Variants in CACNB2 observed in about 807,000 individuals in gnomAD.
CACNB2 encodes the protein voltage-dependent L-type calcium channel subunit beta-2.
In CACNB2, 42 loss-of-function variants were observed where a neutral mutation model predicts 73.3. The observed-to-expected ratio is 0.57, with a 90% confidence interval of 0.45 to 0.74. CACNB2 has a LOEUF of 0.74. Among genes scored for constraint, CACNB2 ranks in the 30% least tolerant of loss-of-function variants. CACNB2 has a pLI of 0.00. For synonymous variants in CACNB2, 348 were observed against 310.3 expected (o/e 1.12, Z -1.28); for missense variants, 940 against 853.0 (o/e 1.10, Z -1.27).
chr10:18,330,881 C>T (rs572566011), intron 2 of CACNB2, among the ~76,000 whole-genome samples: 1 of 151,658 alleles, frequency 6.6e-6, no homozygotes, highest in Admixed American at 6.6e-5. Flanking sequence ...GTTGCCCAGG[C>T]TGGTCTCGAA....
Position 18,538,355 on chromosome 10 carries a change from C to T in CACNB2, c.1478C>T (p.Ser493Phe). 1.2e-6 allele frequency: 2 copies of T among 1,610,098 alleles called. No individual in the cohort carries two copies. The highest frequency in any genetic ancestry group is 1.7e-6 in the Non-Finnish European group (2 of 1,176,166). Reference sequence around the variant, plus strand: ...CTGCCTCTTAGCCCCACCCTAGCCTCTAATTCACAGGTAAGGGGAGTTTTT... The same window carrying T: ...CTGCCTCTTAGCCCCACCCTAGCCTTTAATTCACAGGTAAGGGGAGTTTTT... ...SSLPLSPTLASNSQGSQGDQR... is the reference protein window; with the variant it reads ...SSLPLSPTLAFNSQGSQGDQR... The change falls in exon 13 of 14, where the codon TCT (serine) becomes TTT (phenylalanine). Residue 493 changes from serine to phenylalanine, a missense_variant. Transcript: ENST00000324631.
chr10:18,496,991 A>G (rs1168662008), intron 3 of CACNB2, among the ~76,000 whole-genome samples: 2 of 151,460 alleles, frequency 1.3e-5, no homozygotes, highest in East Asian at 1.9e-4. Flanking sequence ...CGGGCAGATC[A>G]CCCAAGGTCA....
intron 10 of CACNB2, among the ~76,000 whole-genome samples, chr10:18,531,072 G>C (rs2052975707): frequency 6.6e-6 from 1 of 152,110 alleles, no homozygotes. Flanking sequence ...AAATGGCATT[G>C]GAATTACACA....
chr10:18,411,024 T>C (rs1275683666), intron 3 of CACNB2, among the ~76,000 whole-genome samples: 2 of 152,162 alleles, frequency 1.3e-5, no homozygotes, highest in Admixed American at 6.5e-5. Flanking sequence ...CGATACCTTA[T>C]GAAAAACGCA....
intron 3 of CACNB2, among the ~76,000 whole-genome samples, chr10:18,471,237 C>T (rs1357653521): frequency 1.3e-5 from 2 of 151,986 alleles, no homozygotes; most frequent in African/African-American, 4.8e-5. Flanking sequence ...ACCCAGGAGG[C>T]GGAGGTTGCA....
intron 2 of CACNB2, among the ~76,000 whole-genome samples, chr10:18,315,528 A>AAT (rs1306024951): frequency 1.1e-5 from 1 of 90,138 alleles, no homozygotes. Flanking sequence ...AAAAAAAAAA[A>AAT]CTTTTTTTTT....
intron 2 of CACNB2, among the ~76,000 whole-genome samples, chr10:18,380,739 G>A (rs2042982734): frequency 6.6e-6 from 1 of 151,922 alleles, no homozygotes; most frequent in African/African-American, 2.4e-5. Context: ...ATAAGAATGA[G>A]CCACCACGCC....
chr10:18,278,214 C>A (rs896014019), intron 2 of CACNB2, among the ~76,000 whole-genome samples: 11 of 152,216 alleles, frequency 7.2e-5, no homozygotes, highest in African/African-American at 2.6e-4. Flanking sequence ...GCACAGTGTC[C>A]CACACCTGTA....
intron 6 of CACNB2, among the ~76,000 whole-genome samples, chr10:18,509,113 A>G (rs1012367423): frequency 4.6e-5 from 7 of 152,210 alleles, no homozygotes; most frequent in African/African-American, 1.7e-4. Context: ...TAAGCATATT[A>G]GGACTCTGAG....
chr10:18,246,384 C>T (rs1307955359), intron 2 of CACNB2, among the ~76,000 whole-genome samples: 2 of 151,986 alleles, frequency 1.3e-5, no homozygotes, highest in African/African-American at 4.8e-5. Flanking sequence ...GAGGATAAGG[C>T]TCCTAGTTCT....
chr10:18,369,518 A>G (rs572506534), intron 2 of CACNB2, among the ~76,000 whole-genome samples: 1 of 152,280 alleles, frequency 6.6e-6, no homozygotes, highest in African/African-American at 2.4e-5. Context: ...AAGAAACATA[A>G]AAATAGGCTG....
intron 2 of CACNB2, among the ~76,000 whole-genome samples, chr10:18,228,442 A>AAAAAAG (rs1308442909): frequency 2.2e-5 from 3 of 135,526 alleles, no homozygotes; most frequent in Non-Finnish European, 4.8e-5. Flanking sequence ...TCAAAAAAAA[A>AAAAAAG]AAAAAAAGAA....
chr10:18,458,018 C>T (rs1021634243), intron 3 of CACNB2, among the ~76,000 whole-genome samples: 1 of 152,176 alleles, frequency 6.6e-6, no homozygotes. Flanking sequence ...CCTTGGACTA[C>T]AGACACATTT....
chr10:18,272,161 T>C (rs1384516639), intron 2 of CACNB2, among the ~76,000 whole-genome samples: 2 of 152,168 alleles, frequency 1.3e-5, no homozygotes, highest in East Asian at 1.9e-4. Context: ...GCAGATATGA[T>C]ATTATGAAAC....
At chr10:18,245,060 G>C (rs1235202697) in intron 2 of CACNB2, among the ~76,000 whole-genome samples, 1 of 148,282 alleles carries the variant, frequency 6.7e-6, no homozygotes, top group Non-Finnish European at 1.5e-5. Context: ...TTCCCTGAAG[G>C]CTCCAGAAGG....
chr10:18,221,582 G>A (rs1721594091), intron 2 of CACNB2, among the ~76,000 whole-genome samples: 1 of 152,156 alleles, frequency 6.6e-6, no homozygotes, highest in African/African-American at 2.4e-5. Context: ...GGGAGGCTGG[G>A]GTGGGAGGAC....
chr10:18,310,522 T>G (rs1370997080), intron 2 of CACNB2, among the ~76,000 whole-genome samples: 1 of 139,250 alleles, frequency 7.2e-6, no homozygotes, highest in Non-Finnish European at 1.5e-5. Flanking sequence ...GGAGAATCAG[T>G]TGAACCCAGG....
intron 2 of CACNB2, among the ~76,000 whole-genome samples, chr10:18,212,590 TA>T (rs1471575830): frequency 8.5e-5 from 13 of 152,220 alleles, no homozygotes; most frequent in African/African-American, 1.9e-4. Context: ...TTACTGCTAA[TA>T]TTTTTTTAAA....
At chr10:18,224,609 G>T (rs2035917958) in intron 2 of CACNB2, among the ~76,000 whole-genome samples, 2 of 152,142 alleles carry the variant, frequency 1.3e-5, no homozygotes, top group Admixed American at 6.5e-5. Flanking sequence ...CGTTCTGATA[G>T]AACCTGGATG....
Sources: allele counts gnomAD v4.1 joint callset (sites outside exome capture counted in the v4.1 genomes callset), GRCh38; gene constraint gnomAD v4.1.1; transcripts MANE v1.5; gene names NCBI Gene and HGNC (gene_info 2026-07-23, HGNC 2026-07-21).